TECRL: variants seen among roughly 807,000 people sequenced by gnomAD.
The protein encoded by TECRL is trans-2,3-enoyl-CoA reductase like, also known as trans-2,3-enoyl-CoA reductase-like.
TECRL carries 63 observed loss-of-function variants against 52.8 expected under a neutral mutation model. The ratio of observed to expected loss-of-function variants is 1.19; its 90% CI spans 0.97 to 1.47. The LOEUF is 1.47. Ranked by LOEUF, TECRL falls within the 40% of genes most tolerant of loss-of-function variation. TECRL has a pLI of 0.00. For synonymous variants in TECRL, 164 were observed against 141.9 expected (o/e 1.16, Z -1.10); for missense variants, 482 against 429.6 (o/e 1.12, Z -1.08).
intron 3 of TECRL, among the ~76,000 whole-genome samples, 168 bp downstream of exon 3, chr4:64,328,344 T>C (rs922830924): frequency 1.3e-5 from 2 of 151,970 alleles, no homozygotes; most frequent in African/African-American, 2.4e-5. Context: ...AAATACCTAT[T>C]TGAGACTAAA....
intron 2 of TECRL, 71 bp downstream of exon 2, chr4:64,375,101 T>G (rs1722302516): frequency 1.3e-6 from 1 of 750,974 alleles, no homozygotes; most frequent in Non-Finnish European, 2.0e-6. Flanking sequence ...ATATTGCACT[T>G]ATAGAAAAAT....
chr4:64,398,902 C>T (rs1196426671), intron 1 of TECRL, among the ~76,000 whole-genome samples: 1 of 152,144 alleles, frequency 6.6e-6, no homozygotes, highest in Non-Finnish European at 1.5e-5. Flanking sequence ...AAATGAGAAA[C>T]TTACTGGGAA....
At position 64,347,714 on chromosome 4, in the gene TECRL, C is replaced by A. The variant is rs190560772; in HGVS notation, c.287-19158G>T. The stretch of plus-strand genomic sequence containing the variant: ...TATCATAAGAACAGCAAGGAGGAAA[C>A]GGCCCCCATGATCCAGTAACCTCCT... On this transcript the variant is annotated intron_variant, in intron 2 of 11. Coordinates refer to ENST00000381210, the MANE Select transcript of TECRL (RefSeq NM_001010874.5). Among the ~76,000 whole-genome samples the A allele has an allele frequency of 4.6e-5, 7 of 152,114 alleles. 1 individual carries two copies. The highest frequency in any genetic ancestry group is 1.0e-4 in the Non-Finnish European group (7 of 68,022).
At chr4:64,402,010 G>A (rs6837676) in intron 1 of TECRL, among the ~76,000 whole-genome samples, 103,441 of 151,918 alleles carry the variant, frequency 0.68, 36,343 homozygotes, top group Non-Finnish European at 0.78. Context: ...AAAAAATTTA[G>A]ATCATTTTTG....
intron 2 of TECRL, 48 bp from the exon 3 acceptor site, chr4:64,328,604 A>G (rs762908615): frequency 6.5e-7 from 1 of 1,529,680 alleles, no homozygotes; most frequent in Non-Finnish European, 9.0e-7. Context: ...GTGTAACTAT[A>G]GCTTATAAAA....
intron 2 of TECRL, among the ~76,000 whole-genome samples, chr4:64,363,331 A>G (rs1721335006): frequency 6.6e-6 from 1 of 152,166 alleles, no homozygotes; most frequent in Non-Finnish European, 1.5e-5. Flanking sequence ...ACACTTTAAG[A>G]AATTGTTTGA....
chr4:64,407,113 G>A (rs1724785717), intron 1 of TECRL, among the ~76,000 whole-genome samples: 1 of 151,948 alleles, frequency 6.6e-6, no homozygotes, highest in African/African-American at 2.4e-5. Context: ...GACACAGCAA[G>A]ATCCACTTCT....
At chr4:64,393,157 T>A (rs554651972) in intron 1 of TECRL, among the ~76,000 whole-genome samples, 1 of 152,122 alleles carries the variant, frequency 6.6e-6, no homozygotes, top group African/African-American at 2.4e-5. Flanking sequence ...TGTGATATAA[T>A]TGATAGTAAA....
chr4:64,349,294 G>A (rs1269226753), intron 2 of TECRL, among the ~76,000 whole-genome samples: 4 of 151,640 alleles, frequency 2.6e-5, no homozygotes, highest in African/African-American at 9.7e-5. Flanking sequence ...CCCTACACCA[G>A]GCTAATTTTT....
At chr4:64,352,416 CATAG>C (rs887797341) in intron 2 of TECRL, among the ~76,000 whole-genome samples, 1 of 152,146 alleles carries the variant, frequency 6.6e-6, no homozygotes, top group African/African-American at 2.4e-5. Context: ...TAGACAGATA[CATAG>C]ATAGAGATAG....
At chr4:64,281,166 TTAAGGCTTAAAATA>T in intron 10 of TECRL, 80 bp from the exon 11 acceptor site, 2 of 1,059,198 alleles carry the variant, frequency 1.9e-6, no homozygotes, top group Non-Finnish European at 2.8e-6. Flanking sequence ...ACAGGTAATT[TTAAGGCTTAAAATA>T]TTAGAAAACT....
rs754554418 is a variant in TECRL at position 64,409,295 on chromosome 4, T to G, written c.57A>C (p.Gln19His). 1 of 1,613,702 alleles carries G rather than the reference T, an allele frequency of 6.2e-7. No homozygotes were observed. Among genetic ancestry groups the G allele is most frequent in the Non-Finnish European group, 8.5e-7 (1 of 1,179,842 alleles). ...CCTTCAGTATGAACCGTGTAGCTCT[T>G]TGGGAAAGTAATGCTCTCTTGCGTT... The part of the protein sequence containing the change: ...ASERKRALLS[Q>H]RATRFILKDD... Residue 19 changes from glutamine to histidine, a missense_variant, in exon 1 of 12, where the codon CAA becomes CAC. By Grantham distance (24) the Gln-to-His change is conservative. Transcript: ENST00000381210.
At chr4:64,338,759 A>G (rs955509694) in intron 2 of TECRL, among the ~76,000 whole-genome samples, 1 of 152,114 alleles carries the variant, frequency 6.6e-6, no homozygotes, top group African/African-American at 2.4e-5. Flanking sequence ...GTTAGAATGG[A>G]GATCATTAAA....
intron 2 of TECRL, among the ~76,000 whole-genome samples, chr4:64,368,334 C>A (rs539151952): frequency 1.6e-4 from 24 of 152,170 alleles, no homozygotes; most frequent in Non-Finnish European, 2.9e-4. Context: ...TTGCTGTTGT[C>A]GCCCAGGCTG....
chr4:64,338,146 A>G (rs1446762472), intron 2 of TECRL, among the ~76,000 whole-genome samples: 14 of 152,132 alleles, frequency 9.2e-5, no homozygotes, highest in Non-Finnish European at 1.9e-4. Context: ...CAACTATCTG[A>G]TCTTTGACAA....
intron 9 of TECRL, among the ~76,000 whole-genome samples, chr4:64,282,158 A>C (rs1722861921): frequency 6.6e-6 from 1 of 151,974 alleles, no homozygotes; most frequent in South Asian, 2.1e-4. Flanking sequence ...TACATCTCTC[A>C]TTATACTTCA....
chr4:64,297,666 T>C (rs1039406090), intron 8 of TECRL, among the ~76,000 whole-genome samples: 36 of 151,302 alleles, frequency 2.4e-4, no homozygotes, highest in Middle Eastern at 4.3e-3. Flanking sequence ...ATATAGTACT[T>C]ATAATAACTT....
chr4:64,309,685 T>A, intron 6 of TECRL, 141 bp downstream of exon 6: 1 of 671,870 alleles, frequency 1.5e-6, no homozygotes, highest in African/African-American at 1.9e-5. Flanking sequence ...GAATGACATT[T>A]TAGGAAAAGA....
At chr4:64,361,614 T>A (rs957356450) in intron 2 of TECRL, among the ~76,000 whole-genome samples, 1 of 152,096 alleles carries the variant, frequency 6.6e-6, no homozygotes, top group African/African-American at 2.4e-5. Context: ...AAACCTACAC[T>A]GCCTGAAAGC....
Sources: allele counts gnomAD v4.1 joint callset (sites outside exome capture counted in the v4.1 genomes callset), GRCh38; gene constraint gnomAD v4.1.1; transcripts MANE v1.5; gene names NCBI Gene and HGNC (gene_info 2026-07-23, HGNC 2026-07-21).